Variants in RRM2 observed in about 807,000 individuals in gnomAD.
RRM2 encodes the protein ribonucleoside-diphosphate reductase subunit M2.
In RRM2, 6 loss-of-function variants were observed where a neutral mutation model predicts 45.9. The observed-to-expected ratio is 0.13, with a 90% confidence interval of 0.07 to 0.26. RRM2 has a LOEUF of 0.26. Among genes scored for constraint, RRM2 ranks in the 10% least tolerant of loss-of-function variants. RRM2 has a pLI of 1.00. For synonymous variants in RRM2, 177 were observed against 173.0 expected (o/e 1.02, Z -0.18); for missense variants, 343 against 489.5 (o/e 0.70, Z 2.82).
rs772948743 is a variant in RRM2, at chr2:10,195,908, T to C, written n.483-14403T>C. On this transcript the variant is annotated intron_variant and non_coding_transcript_variant, in intron 3 of 3. Coordinates refer to the RRM2 transcript ENST00000381786. The surrounding 1 kb of genome is among the most constrained non-coding windows in gnomAD (Gnocchi z 4.9). ...GAGACTCACACGAGGAAATTCCTTTTGTTCCTACCCTCACTTCCAGTGTTG... is the reference window on the plus strand; with the variant it reads ...GAGACTCACACGAGGAAATTCCTTTCGTTCCTACCCTCACTTCCAGTGTTG... Among the ~76,000 whole-genome samples the C allele has an allele frequency of 5.3e-5, 8 of 152,204 alleles. No individual in the cohort carries two copies. Among genetic ancestry groups the C allele is most frequent in the Non-Finnish European group, 1.2e-4 (8 of 68,024 alleles).
At chr2:10,203,979 T>C (rs1664619271) in intron 3 of RRM2, among the ~76,000 whole-genome samples, 1 of 152,062 alleles carries the variant, frequency 6.6e-6, no homozygotes, top group African/African-American at 2.4e-5. Context: ...TGCTTCCTGC[T>C]AGCTGGATCC....
At chr2:10,208,618 T>G (rs575812897) in intron 3 of RRM2, among the ~76,000 whole-genome samples, 3 of 152,344 alleles carry the variant, frequency 2.0e-5, no homozygotes, top group East Asian at 1.9e-4. Context: ...TGATTCACTC[T>G]TTGTTTCATG....
chr2:10,129,645 AC>A lies in RRM2; in HGVS notation c.*262del, dbSNP rs1662856228. 1 of 476,168 alleles carries A rather than the reference AC, an allele frequency of 2.1e-6. No homozygotes were observed. Among genetic ancestry groups the A allele is most frequent in the South Asian group, 3.3e-5 (1 of 30,644 alleles). 29.5% of individuals were successfully genotyped at this position (476,168 alleles called of 1,614,324 possible). A position where few individuals can be genotyped will look rare whatever the true frequency, so the allele number is the denominator to read the frequency against. ...AGTCTTGGCTTTAAAGTGAGGGGTG[AC>A]CCTTTAGTGAGCTTAGCACAGCGGG... On this transcript the variant is annotated 3_prime_UTR_variant, in exon 10 of 10. Transcript: ENST00000304567. The surrounding 1 kb of genome is among the most constrained non-coding windows in gnomAD (Gnocchi z 4.8).
upstream of RRM2, among the ~76,000 whole-genome samples, chr2:10,137,727 T>G (rs917490084): frequency 5.3e-5 from 8 of 152,182 alleles, no homozygotes; most frequent in Non-Finnish European, 1.0e-4. Flanking sequence ...GATTTCAGTT[T>G]CCAGAAAGCC....
rs1339897310 is a variant in RRM2, at chr2:10,193,974, A to G, written n.483-16337A>G. 4.6e-5 allele frequency among the ~76,000 whole-genome samples: 7 copies of G among 152,334 alleles called. No individual in the cohort carries two copies. In the East Asian group the frequency reaches 1.3e-3, roughly 29 times the overall value. On this transcript the variant is annotated intron_variant and non_coding_transcript_variant, in intron 3 of 3. Transcript: ENST00000381786. Reference sequence around the variant, plus strand: ...CGTGGAACCCAGAGACATTTCACAAATTAACATAAATCCTGTGAACCCTCT... The same window carrying G: ...CGTGGAACCCAGAGACATTTCACAAGTTAACATAAATCCTGTGAACCCTCT...
intron 5 of RRM2, among the ~76,000 whole-genome samples, chr2:10,125,533 G>T (rs1256574893): frequency 3.9e-5 from 6 of 152,118 alleles, no homozygotes; most frequent in Admixed American, 3.9e-4. Context: ...GTGAAACCCC[G>T]TCTCTACTAA....
intron 2 of RRM2, chr2:10,142,076 G>C (rs1663095736): frequency 5.0e-6 from 8 of 1,597,498 alleles, no homozygotes; most frequent in Middle Eastern, 1.7e-4. Context: ...TCGACCACGT[G>C]GTTAGGGGAG....
rs1366059341 is a variant in RRM2 at position 10,127,121 on chromosome 2, C to T, written c.699C>T (p.Gly233=). 6.2e-7 allele frequency: 1 copy of T among 1,614,186 alleles called. No homozygotes were observed. ...TTGTAGCCTTTGCTGCAGTGGAAGG[C>T]ATTTTCTTTTCCGGTTCTTTTGCGT... ...ERVVAFAAVE[G]IFFSGSFASI... is the part of the protein sequence containing the mutation. The change falls in exon 7 of 10, where the codon GGC becomes GGT. Residue 233 remains glycine (G), a synonymous_variant. Coordinates refer to ENST00000304567, the MANE Select transcript of RRM2 (RefSeq NM_001034.4). The surrounding 1 kb of genome is among the most constrained non-coding windows in gnomAD (Gnocchi z 4.1).
In RRM2 at chr2:10,204,744, A is replaced by C. The variant is rs940245388; in HGVS notation, n.483-5567A>C. Among the ~76,000 whole-genome samples the C allele has an allele frequency of 6.6e-6, 1 of 152,220 alleles. No individual in the cohort carries two copies. The highest frequency in any genetic ancestry group is 1.5e-5 in the Non-Finnish European group (1 of 68,042). ...GCATCTGTTCTCAATTGCCCTATGC[A>C]GATACTTAGTCTGTGGCTGGGAGCC... is the stretch of plus-strand genomic sequence containing the variant. On this transcript the variant is annotated intron_variant and non_coding_transcript_variant, in intron 3 of 3. Coordinates refer to the RRM2 transcript ENST00000381786. The surrounding 1 kb of genome is among the most constrained non-coding windows in gnomAD (Gnocchi z 4.0).
chr2:10,169,307 C>T lies in RRM2; in HGVS notation n.482+26932C>T, dbSNP rs1663746206. ...CTCTTTGTAAGTTCCCAAGTTGAAG[C>T]ACCCCCTTCAGGTGTAGTTTTAGAC... On this transcript the variant is annotated intron_variant and non_coding_transcript_variant, in intron 3 of 3. Coordinates refer to the RRM2 transcript ENST00000381786. The surrounding 1 kb of genome is among the most constrained non-coding windows in gnomAD (Gnocchi z 5.1). Among the ~76,000 whole-genome samples the T allele has an allele frequency of 6.6e-6, 1 of 152,120 alleles. No individual in the cohort carries two copies. Among genetic ancestry groups the T allele is most frequent in the Non-Finnish European group, 1.5e-5 (1 of 68,024 alleles).
upstream of RRM2, among the ~76,000 whole-genome samples, chr2:10,139,627 C>T (rs545962041): frequency 3.3e-5 from 5 of 152,304 alleles, no homozygotes; most frequent in East Asian, 9.7e-4. Flanking sequence ...CCCTTCCCCT[C>T]CATCAGGAAA....
Position 10,172,389 on chromosome 2 carries a change from C to T in RRM2, n.482+30014C>T, listed in dbSNP as rs1012575456. The stretch of plus-strand genomic sequence containing the variant: ...GACCAGGGGAGGGGCGGACGGAGGA[C>T]ACTGCTTCTGCAGCGCTCCTTGTCT... On this transcript the variant is annotated intron_variant and non_coding_transcript_variant, in intron 3 of 3. Coordinates refer to the RRM2 transcript ENST00000381786. This position sits in a 1 kb window ranked among gnomAD's most constrained non-coding sequence, Gnocchi z 4.9. 2.0e-5 allele frequency among the ~76,000 whole-genome samples: 3 copies of T among 152,140 alleles called. No homozygotes were observed. The highest frequency in any genetic ancestry group is 4.4e-5 in the Non-Finnish European group (3 of 68,016).
At chr2:10,143,917 T>TC (rs2125312761) in intron 3 of RRM2, among the ~76,000 whole-genome samples, 1 of 152,302 alleles carries the variant, frequency 6.6e-6, no homozygotes, top group African/African-American at 2.4e-5. Context: ...CCGCCCGCCT[T>TC]GGCCTCCCAA....
At chr2:10,123,092 C>A in intron 2 of RRM2, 35 bp downstream of exon 2, 2 of 1,520,358 alleles carry the variant, frequency 1.3e-6, no homozygotes, top group Non-Finnish European at 1.8e-6. Flanking sequence ...GGGCCAGGGA[C>A]GGCCTTGGGC....
Position 10,124,744 on chromosome 2 carries a change from A to G in RRM2, c.463A>G (p.Ile155Val). 1.2e-6 allele frequency: 2 copies of G among 1,612,002 alleles called. No individual in the cohort carries two copies. The highest frequency in any genetic ancestry group is 1.7e-6 in the Non-Finnish European group (2 of 1,179,782). ...LVERFSQEVQ[I>V]TEARCFYGFQ... ...GGAGCGATTTAGCCAAGAAGTTCAG[A>G]TTACAGAAGCCCGCTGTTTCTATGG... Residue 155 changes from isoleucine to valine, a missense_variant, in exon 5 of 10, where the codon ATT becomes GTT. Around this residue, in one of 2 missense-constraint regions of RRM2, gnomAD observed 212 missense variants for 368.1 expected, o/e 0.58. Transcript: ENST00000304567.
chr2:10,174,850 G>C (rs1320962013), intron 3 of RRM2, among the ~76,000 whole-genome samples: 2 of 149,130 alleles, frequency 1.3e-5, no homozygotes, highest in East Asian at 3.9e-4. Flanking sequence ...CTGGGTGACA[G>C]AGTGAGACTC....
At chr2:10,178,517 C>T (rs1420061854) in intron 3 of RRM2, among the ~76,000 whole-genome samples, 1 of 152,188 alleles carries the variant, frequency 6.6e-6, no homozygotes, top group African/African-American at 2.4e-5. Flanking sequence ...GCCACTGTGC[C>T]TGGCCACCCC....
At chr2:10,141,802 G>A in intron 1 of RRM2, 1 of 1,548,376 alleles carries the variant, frequency 6.5e-7, no homozygotes, top group Non-Finnish European at 8.7e-7. Context: ...GGGGCTGGGA[G>A]GCGGTTGCTC....
chr2:10,141,837 T>TG, intron 1 of RRM2: 1 of 1,553,260 alleles, frequency 6.4e-7, no homozygotes, highest in South Asian at 1.2e-5. Flanking sequence ...TGAGCCCTCC[T>TG]GTATGCACTG....
Sources: gnomAD v4.1 joint callset for allele counts (sites outside exome capture counted in the v4.1 genomes callset) on GRCh38, gnomAD v4.1.1 for gene constraint, gnomAD v4.1.1 regional missense constraint, Gnocchi (gnomAD v3.1) non-coding constraint, MANE v1.5 for transcripts, NCBI Gene and HGNC (gene_info 2026-07-23, HGNC 2026-07-21) for gene names.